The following DNAH2 variants were observed in gnomAD, a reference collection of about 807,000 sequenced individuals.
DNAH2 encodes dynein axonemal heavy chain 2, also known as axonemal beta dynein heavy chain 2.
In DNAH2, 323 loss-of-function variants were observed where a neutral mutation model predicts 523.5. That is an observed-to-expected ratio of 0.62 (90% CI 0.56 to 0.68). The LOEUF (loss-of-function observed/expected upper bound fraction) is 0.68, where lower values mean the gene tolerates loss of function less well. Ranked by LOEUF, DNAH2 falls within the 30% of genes least tolerant of loss-of-function variation. The probability of loss-of-function intolerance (pLI) is 0.00; values close to 1 mark genes in which losing one functional copy is unlikely to be tolerated. For synonymous variants in DNAH2, 2,093 were observed against 2,177.4 expected (o/e 0.96, Z 1.08); for missense variants, 4,907 against 5,701.5 (o/e 0.86, Z 4.49).
At position 7,801,960 on chromosome 17, in the gene DNAH2, G is replaced by A. The variant is rs747312887; in HGVS notation, c.8915G>A (p.Arg2972Gln). The change falls in exon 58 of 86, where the codon CGG (arginine) becomes CAG (glutamine). Residue 2972 changes from arginine (R) to glutamine (Q), a missense_variant. Arg to Gln is a conservative substitution (Grantham distance 43). Around this residue, in one of 3 missense-constraint regions of DNAH2, gnomAD observed 1,851 missense variants for 2,139.4 expected, o/e 0.87. Transcript: ENST00000572933. ...TCCCAGAAGATGCTGTTGGAACTGC[G>A]GAGACACAACTATGTCACACCCACC... ...QYSQKMLLEL[R>Q]RHNYVTPTKY... 1.9e-5 allele frequency: 30 copies of A among 1,614,080 alleles called. No individual in the cohort carries two copies. The highest frequency in any genetic ancestry group is 1.6e-4 in the Middle Eastern group (1 of 6,084).
In DNAH2 at chr17:7,770,768, A is replaced by T; in HGVS notation, c.4197A>T (p.Val1399=). The part of the protein sequence containing the change: ...GHHRLRGTEE[V]FQALEDNQVA... ...TGTGTCTCAGAGGTACAGAAGAAGT[A>T]TTCCAGGCACTGGAAGATAACCAGG... Residue 1399 remains valine (V), a synonymous_variant, in exon 27 of 86, where the codon GTA becomes GTT. Coordinates refer to ENST00000572933, the MANE Select transcript of DNAH2 (RefSeq NM_020877.5). The T allele has an allele frequency of 6.2e-7, 1 of 1,614,210 alleles. No homozygotes were observed. The highest frequency in any genetic ancestry group is 8.5e-7 in the Non-Finnish European group (1 of 1,180,032).
Position 7,832,946 on chromosome 17 carries a change from T to C in DNAH2, c.12978+18T>C, listed in dbSNP as rs1229156314. Reference sequence around the variant, plus strand: ...CCCCCAAGGTGGGAGCCAGTTGTGCTTGGGGCTCTGAGCAAAAGAGGGTAC... The same window carrying C: ...CCCCCAAGGTGGGAGCCAGTTGTGCCTGGGGCTCTGAGCAAAAGAGGGTAC... On this transcript the variant is annotated intron_variant, in intron 84 of 85. Coordinates refer to ENST00000572933, the MANE Select transcript of DNAH2 (RefSeq NM_020877.5). This position sits in a 1 kb window ranked among gnomAD's most constrained non-coding sequence, Gnocchi z 4.3. The C allele has an allele frequency of 6.2e-7, 1 of 1,614,146 alleles. No homozygotes were observed. The highest frequency in any genetic ancestry group is 8.5e-7 in the Non-Finnish European group (1 of 1,180,014).
At chr17:7,759,284 C>A in intron 15 of DNAH2, 138 bp from the exon 16 acceptor site, 1 of 1,423,264 alleles carries the variant, frequency 7.0e-7, no homozygotes, top group Non-Finnish European at 9.4e-7. Flanking sequence ...TCAGTCCTCA[C>A]ACCTCTTCCT....
Position 7,797,721 on chromosome 17 carries a change from G to A in DNAH2, c.8122G>A (p.Asp2708Asn), listed in dbSNP as rs771562894. The A allele has an allele frequency of 1.2e-6, 2 of 1,614,126 alleles. No homozygotes were observed. Among genetic ancestry groups the A allele is most frequent in the South Asian group, 1.1e-5 (1 of 91,086 alleles). ...KEPKVYEDLT[D>N]LTVLKTVMET... is the part of the protein sequence containing the mutation. ...GCCCAAGGTGTATGAAGACCTCACG[G>A]ATCTGACAGTGCTGAAGACAGTCAT... The change falls in exon 53 of 86, where the codon GAT becomes AAT. Residue 2708 changes from aspartate to asparagine, a missense_variant. Asp to Asn is a conservative substitution (Grantham distance 23). Coordinates refer to ENST00000572933, the MANE Select transcript of DNAH2 (RefSeq NM_020877.5).
intron 11 of DNAH2, among the ~76,000 whole-genome samples, chr17:7,741,833 T>C (rs2075363148): frequency 6.6e-6 from 1 of 151,504 alleles, no homozygotes; most frequent in South Asian, 2.1e-4. Context: ...CCGGCTAATT[T>C]TGTATTTTTA....
Position 7,743,085 on chromosome 17 carries a change from C to T in DNAH2, c.1847C>T (p.Thr616Ile), listed in dbSNP as rs746372809. ...AAGGATTGCATTCGGCGGTTGGATACCCCATTGCTGCGAATCAGCCAGGAG... is the reference window on the plus strand; with the variant it reads ...AAGGATTGCATTCGGCGGTTGGATATCCCATTGCTGCGAATCAGCCAGGAG... ...LDKDCIRRLD[T>I]PLLRISQEKA... Residue 616 changes from threonine to isoleucine, a missense_variant, in exon 12 of 86, where the codon ACC (threonine) becomes ATC (isoleucine). Transcript: ENST00000572933. 1.0e-5 allele frequency: 16 copies of T among 1,552,222 alleles called. No individual in the cohort carries two copies. Among genetic ancestry groups the T allele is most frequent in the East Asian group, 4.5e-5 (2 of 44,554 alleles).
intron 12 of DNAH2, among the ~76,000 whole-genome samples, chr17:7,756,031 G>A (rs2075825620): frequency 1.3e-5 from 2 of 151,970 alleles, no homozygotes; most frequent in South Asian, 4.2e-4. Flanking sequence ...CCTGAGGTCA[G>A]GAGTTTGAGA....
intron 28 of DNAH2, among the ~76,000 whole-genome samples, chr17:7,772,679 T>A (rs1188285512): frequency 6.6e-6 from 1 of 152,222 alleles, no homozygotes; most frequent in African/African-American, 2.4e-5. Flanking sequence ...TATGGGGCTG[T>A]AGGCTGGGAG....
At position 7,801,692 on chromosome 17, in the gene DNAH2, C is replaced by A. The variant is rs771558416; in HGVS notation, c.8814C>A (p.Asp2938Glu). ...CTGAGAAGTGCCTCATAGGAGTAGA[C>A]CTGGGAACTCAGGAGAATGTGAGCC... ...EVAEKCLIGVDLGTQENIHRK... is the reference protein window; with the variant it reads ...EVAEKCLIGVELGTQENIHRK... The change falls in exon 57 of 86, where the codon GAC (aspartate) becomes GAA (glutamate). Residue 2938 changes from aspartate to glutamate, a missense_variant. Around this residue, in one of 3 missense-constraint regions of DNAH2, gnomAD observed 1,851 missense variants for 2,139.4 expected, o/e 0.87. Transcript: ENST00000572933. The A allele has an allele frequency of 1.2e-6, 2 of 1,614,112 alleles. No homozygotes were observed. The highest frequency in any genetic ancestry group is 2.2e-5 in the East Asian group (1 of 44,878).
chr17:7,759,485 C>CTGAATG lies in DNAH2; in HGVS notation c.2517_2522dup (p.Asn839_Val840dup), dbSNP rs750161733. Reference sequence around the variant, plus strand: ...CCGCATGATGGAGGATGCCCTGCGCCTGAATGTGAAGTGGTCACTGCTAGA... The same window carrying CTGAATG: ...CCGCATGATGGAGGATGCCCTGCGCCTGAATGTGAATGTGAAGTGGTCACTGCTAGA... On this transcript the variant is annotated inframe_insertion, in exon 16 of 86. Transcript: ENST00000572933. The CTGAATG allele has an allele frequency of 1.2e-6, 2 of 1,614,040 alleles. No individual in the cohort carries two copies. Among genetic ancestry groups the CTGAATG allele is most frequent in the African/African-American group, 2.7e-5 (2 of 74,912 alleles).
At position 7,776,126 on chromosome 17, in the gene DNAH2, T is replaced by TG. The variant is rs780351140; in HGVS notation, c.4927dup (p.Val1643GlyfsTer20). On this transcript the variant is annotated frameshift_variant, in exon 31 of 86. Coordinates refer to ENST00000572933, the MANE Select transcript of DNAH2 (RefSeq NM_020877.5). LOFTEE classifies it high-confidence loss of function. ...GAAGTTCCTCAACAAGAGGGACAAATGGGTGAAGGAGTGGGCTGGCCAGGT... is the reference window on the plus strand; with the variant it reads ...GAAGTTCCTCAACAAGAGGGACAAATGGGGTGAAGGAGTGGGCTGGCCAGGT... The TG allele has an allele frequency of 1.1e-5, 18 of 1,613,482 alleles. No individual in the cohort carries two copies. The highest frequency in any genetic ancestry group is 1.4e-5 in the Non-Finnish European group (17 of 1,179,822).
At chr17:7,755,701 G>A (rs1433379525) in intron 12 of DNAH2, among the ~76,000 whole-genome samples, 6 of 152,152 alleles carry the variant, frequency 3.9e-5, no homozygotes, top group Admixed American at 3.9e-4. Context: ...TCAGGGCGTG[G>A]CATGGGAGTG....
chr17:7,753,402 A>G (rs1339913815), intron 12 of DNAH2, among the ~76,000 whole-genome samples: 1 of 152,180 alleles, frequency 6.6e-6, no homozygotes, highest in Non-Finnish European at 1.5e-5. Flanking sequence ...AGCCGAAGCC[A>G]TGGGAGTGGA....
intron 51 of DNAH2, 56 bp from the exon 52 acceptor site, chr17:7,797,344 T>G (rs2077093911): frequency 1.9e-6 from 3 of 1,613,388 alleles, no homozygotes; most frequent in South Asian, 2.2e-5. Flanking sequence ...GACACTGCCT[T>G]CCCCAGGCCA....
chr17:7,801,653 C>T lies in DNAH2; in HGVS notation c.8775C>T (p.Ala2925=), dbSNP rs922956684. 4 of 1,614,018 alleles carry T rather than the reference C, an allele frequency of 2.5e-6. No individual in the cohort carries two copies. The African/African-American group carries it at 5.3e-5, about 22-fold the overall frequency. ...INWFSEWPQE[A]LLEVAEKCLI... ...GGTTCTCAGAGTGGCCCCAAGAGGC[C>T]CTGCTCGAGGTGGCTGAGAAGTGCC... The change falls in exon 57 of 86, where the codon GCC becomes GCT. Residue 2925 remains alanine (A), a synonymous_variant. Transcript: ENST00000572933.
chr17:7,741,236 C>CCCTTTCTT (rs2075308865), intron 11 of DNAH2, among the ~76,000 whole-genome samples: 1 of 85,596 alleles, frequency 1.2e-5, no homozygotes, highest in African/African-American at 4.2e-5. Flanking sequence ...TTTTCTCTCT[C>CCCTTTCTT]TCTTTCTTTC....
In DNAH2 at chr17:7,760,998, C is replaced by T. The variant is rs2075990179; in HGVS notation, c.2978+66C>T. ...CACAGCACTGCAGGAGGAGCCCAGGCCTAGAGTCTTGGGAAGTGGGTAGGG... is the reference window on the plus strand; with the variant it reads ...CACAGCACTGCAGGAGGAGCCCAGGTCTAGAGTCTTGGGAAGTGGGTAGGG... On this transcript the variant is annotated intron_variant, in intron 18 of 85. Coordinates refer to ENST00000572933, the MANE Select transcript of DNAH2 (RefSeq NM_020877.5). This position sits in a 1 kb window ranked among gnomAD's most constrained non-coding sequence, Gnocchi z 4.0. 3.2e-6 allele frequency: 5 copies of T among 1,577,474 alleles called. No individual in the cohort carries two copies. The Admixed American group carries it at 8.8e-5, about 28-fold the overall frequency.
intron 12 of DNAH2, among the ~76,000 whole-genome samples, chr17:7,750,973 T>A (rs1231348946): frequency 6.6e-6 from 1 of 152,178 alleles, no homozygotes. Flanking sequence ...AATTTTCACC[T>A]CAATATTCTT....
rs1037740294 is a variant in DNAH2, at chr17:7,786,405, G to A, written c.6348+63G>A. On this transcript the variant is annotated intron_variant, in intron 40 of 85. Coordinates refer to ENST00000572933, the MANE Select transcript of DNAH2 (RefSeq NM_020877.5). This position sits in a 1 kb window ranked among gnomAD's most constrained non-coding sequence, Gnocchi z 7.5. The stretch of plus-strand genomic sequence containing the variant: ...TTGAGTAGTAAGAAGACAATGGAGG[G>A]TGGGGGCCAGGGAGGACCTTGCAAG... 8 of 1,565,208 alleles carry A rather than the reference G, an allele frequency of 5.1e-6. No individual in the cohort carries two copies. Among genetic ancestry groups the A allele is most frequent in the African/African-American group, 2.7e-5 (2 of 74,322 alleles).
Sources: allele counts gnomAD v4.1 joint callset (sites outside exome capture counted in the v4.1 genomes callset), GRCh38; gene constraint gnomAD v4.1.1; regional missense constraint gnomAD v4.1.1; non-coding constraint Gnocchi (gnomAD v3.1); transcripts MANE v1.5; gene names NCBI Gene and HGNC (gene_info 2026-07-23, HGNC 2026-07-21).